Variants in SNTG1 observed in about 807,000 individuals in gnomAD.
SNTG1 encodes gamma-1-syntrophin.
A neutral mutation model predicts 74.7 loss-of-function variants in SNTG1; 39 were observed. The observed-to-expected ratio is 0.52, with a 90% confidence interval of 0.40 to 0.68. The LOEUF (loss-of-function observed/expected upper bound fraction) is 0.68. Among genes scored for constraint, SNTG1 ranks in the 30% least tolerant of loss-of-function variants. The pLI, the probability that SNTG1 is intolerant of heterozygous loss-of-function variation, is 0.00. For missense variants in SNTG1, 685 were observed against 609.5 expected, an observed-to-expected ratio of 1.12 and a Z score of -1.30; for synonymous variants, 254 against 217.1, an observed-to-expected ratio of 1.17 and a Z score of -1.49.
intron 8 of SNTG1, among the ~76,000 whole-genome samples, chr8:50,468,004 TAATA>T (rs1323746341): frequency 1.8e-5 from 2 of 108,914 alleles, no homozygotes; most frequent in Non-Finnish European, 4.5e-5. Context: ...CGTATTTGTA[TAATA>T]AATATTTTTT....
Position 50,154,387 on chromosome 8 carries a change from C to T in SNTG1, c.-102-18174C>T, listed in dbSNP as rs948865191. 2.1e-4 allele frequency among the ~76,000 whole-genome samples: 32 copies of T among 152,202 alleles called. 1 individual carries two copies. The highest frequency in any genetic ancestry group is 6.0e-4 in the African/African-American group (25 of 41,526). On this transcript the variant is annotated intron_variant, in intron 1 of 18. Coordinates refer to ENST00000642720, the MANE Select transcript of SNTG1 (RefSeq NM_018967.5). ...GACCCCTTGCACTTCCTGGGTAAGGCGATGCCTCACCCTGCTTCGGCTCAC... is the reference window on the plus strand; with the variant it reads ...GACCCCTTGCACTTCCTGGGTAAGGTGATGCCTCACCCTGCTTCGGCTCAC...
intron 1 of SNTG1, among the ~76,000 whole-genome samples, chr8:49,989,282 A>G (rs139465842): frequency 3.3e-5 from 5 of 152,098 alleles, no homozygotes; most frequent in East Asian, 1.9e-4. Flanking sequence ...TAATGACCTT[A>G]CAAAATTAAA....
At chr8:50,640,130 T>C (rs764968002) in intron 13 of SNTG1, among the ~76,000 whole-genome samples, 7 of 152,174 alleles carry the variant, frequency 4.6e-5, no homozygotes, top group Non-Finnish European at 8.8e-5. Flanking sequence ...TAATGAAAAC[T>C]TTAGCTGTCT....
At chr8:50,432,637 A>G (rs1050834156) in intron 4 of SNTG1, among the ~76,000 whole-genome samples, 1 of 152,134 alleles carries the variant, frequency 6.6e-6, no homozygotes, top group Admixed American at 6.5e-5. Flanking sequence ...GAGTCTTTCA[A>G]TTCATGAATA....
chr8:50,227,858 C>T (rs1213076505), intron 2 of SNTG1, among the ~76,000 whole-genome samples: 4 of 146,440 alleles, frequency 2.7e-5, no homozygotes, highest in Non-Finnish European at 6.0e-5. Context: ...AGGTCTATTT[C>T]ATCTTTAGTT....
chr8:50,438,187 A>G (rs1365391372), intron 4 of SNTG1, among the ~76,000 whole-genome samples: 3 of 152,178 alleles, frequency 2.0e-5, no homozygotes, highest in Non-Finnish European at 4.4e-5. Context: ...TTACTTTTAT[A>G]TAACCTAAAA....
intron 14 of SNTG1, among the ~76,000 whole-genome samples, chr8:50,657,493 A>G (rs2095190560): frequency 2.0e-5 from 3 of 152,146 alleles, no homozygotes; most frequent in Admixed American, 2.0e-4. Flanking sequence ...TTTTAAATTT[A>G]TTCAGCACTT....
chr8:49,980,298 C>T (rs894258937), intron 1 of SNTG1, among the ~76,000 whole-genome samples: 8 of 152,046 alleles, frequency 5.3e-5, no homozygotes, highest in African/African-American at 1.7e-4. Context: ...AAATGTTTGG[C>T]CCAGTAGCCA....
intron 1 of SNTG1, among the ~76,000 whole-genome samples, chr8:50,118,460 T>C (rs1376127761): frequency 2.0e-5 from 3 of 152,250 alleles, no homozygotes; most frequent in Admixed American, 6.5e-5. Context: ...ACACAATCTT[T>C]GAGTGTCCCT....
chr8:50,191,568 A>T (rs75580387), intron 2 of SNTG1, among the ~76,000 whole-genome samples: 7,320 of 152,144 alleles, frequency 0.048, 212 homozygotes, highest in Middle Eastern at 0.1. Flanking sequence ...CTTGTTTTTT[A>T]AAAAAATAAA....
intron 1 of SNTG1, among the ~76,000 whole-genome samples, chr8:50,148,801 G>T (rs2081964320): frequency 6.6e-6 from 1 of 152,170 alleles, no homozygotes; most frequent in Non-Finnish European, 1.5e-5. Flanking sequence ...GTCTATCATT[G>T]ATGCACATTT....
At position 50,153,341 on chromosome 8, in the gene SNTG1, T is replaced by G. The variant is rs184777454; in HGVS notation, c.-102-19220T>G. Among the ~76,000 whole-genome samples the G allele has an allele frequency of 3.0e-4, 45 of 152,306 alleles. 1 individual carries two copies. The East Asian group carries it at 5.2e-3, about 18-fold the overall frequency. ...TTCAAGGTTTTTAGCTTCTTTGCATTGGGTTCAAACTTCCTCCGTTAGCTC... is the reference window on the plus strand; with the variant it reads ...TTCAAGGTTTTTAGCTTCTTTGCATGGGGTTCAAACTTCCTCCGTTAGCTC... On this transcript the variant is annotated intron_variant, in intron 1 of 18. Transcript: ENST00000642720.
chr8:50,028,281 A>G (rs1817439771), intron 1 of SNTG1, among the ~76,000 whole-genome samples: 1 of 152,158 alleles, frequency 6.6e-6, no homozygotes, highest in Non-Finnish European at 1.5e-5. Context: ...ACTATTGTGC[A>G]TATCAATATT....
At chr8:49,964,899 T>A (rs543580174) in intron 1 of SNTG1, among the ~76,000 whole-genome samples, 1 of 152,328 alleles carries the variant, frequency 6.6e-6, no homozygotes, top group East Asian at 1.9e-4. Context: ...TTGATAGCCA[T>A]GTATGGCACA....
chr8:49,962,016 T>A lies in SNTG1; in HGVS notation c.-103+49785T>A, dbSNP rs537448764. 2.6e-5 allele frequency among the ~76,000 whole-genome samples: 4 copies of A among 152,276 alleles called. No individual in the cohort carries two copies. In the East Asian group the frequency reaches 7.7e-4, roughly 29 times the overall value. ...ATGTCAATGGCAGCCGGACAAACATTCTCCAGCTTCCCCTCTGCTCCCAGG... is the reference window on the plus strand; with the variant it reads ...ATGTCAATGGCAGCCGGACAAACATACTCCAGCTTCCCCTCTGCTCCCAGG... On this transcript the variant is annotated intron_variant, in intron 1 of 18. Coordinates refer to ENST00000642720, the MANE Select transcript of SNTG1 (RefSeq NM_018967.5).
chr8:49,985,175 A>G (rs1585772861), intron 1 of SNTG1, among the ~76,000 whole-genome samples: 1 of 152,070 alleles, frequency 6.6e-6, no homozygotes, highest in East Asian at 1.9e-4. Context: ...TTGTTTGTTT[A>G]ATTTTTATTG....
chr8:50,019,176 TA>T, intron 1 of SNTG1, among the ~76,000 whole-genome samples: 1 of 152,038 alleles, frequency 6.6e-6, no homozygotes, highest in Non-Finnish European at 1.5e-5. Flanking sequence ...ACACTGTAAA[TA>T]TACTAAGATG....
At chr8:50,011,382 G>A (rs992201484) in intron 1 of SNTG1, among the ~76,000 whole-genome samples, 1 of 152,172 alleles carries the variant, frequency 6.6e-6, no homozygotes, top group Non-Finnish European at 1.5e-5. Flanking sequence ...TTAGCCCAAT[G>A]CAGGGAGGTG....
intron 16 of SNTG1, chr8:50,708,677 A>G (rs1463690243): frequency 1.9e-6 from 1 of 539,510 alleles, no homozygotes; most frequent in Non-Finnish European, 3.3e-6. Flanking sequence ...GGCGGGGCAT[A>G]CACCTTGGCA....
Sources: allele counts gnomAD v4.1 joint callset (sites outside exome capture counted in the v4.1 genomes callset), GRCh38; gene constraint gnomAD v4.1.1; transcripts MANE v1.5; gene names NCBI Gene and HGNC (gene_info 2026-07-23, HGNC 2026-07-21).